The following ZNF560 variants were observed in gnomAD, a reference collection of about 807,000 sequenced individuals.
ZNF560 encodes the protein zinc finger protein 560.
In ZNF560, 54 loss-of-function variants were observed where a neutral mutation model predicts 81.8. That is an observed-to-expected ratio of 0.66 (90% CI 0.53 to 0.83). The LOEUF (loss-of-function observed/expected upper bound fraction) is 0.83. Ranked by LOEUF, ZNF560 falls within the 40% of genes least tolerant of loss-of-function variation. The pLI, the probability that ZNF560 is intolerant of heterozygous loss-of-function variation, is 0.00. For missense variants in ZNF560, 940 were observed against 932.4 expected, an observed-to-expected ratio of 1.01 and a Z score of -0.11; for synonymous variants, 321 against 317.9, an observed-to-expected ratio of 1.01 and a Z score of -0.10.
chr19:9,450,151 C>T, the ZNF560 span, among the ~76,000 whole-genome samples: 6 of 150,232 alleles, frequency 4.0e-5, no homozygotes, highest in South Asian at 2.1e-4. Context: ...ATTAGCTGGA[C>T]GCAGTGGCAG....
intron 2 of ZNF560, among the ~76,000 whole-genome samples, chr19:9,478,510 G>A (rs899162386): frequency 2.1e-4 from 32 of 152,066 alleles, no homozygotes; most frequent in Admixed American, 9.2e-4. Flanking sequence ...CTCAAACACT[G>A]TAATGGTGGT....
At chr19:9,501,153 T>C (rs999818920), upstream of ZNF560, among the ~76,000 whole-genome samples, 17 of 149,440 alleles carry the variant, frequency 1.1e-4, no homozygotes, top group East Asian at 1.9e-4. Flanking sequence ...TCTTTCTCTT[T>C]AGCTTTTTTT....
chr19:9,494,643 G>T (rs748064057), intron 2 of ZNF560, among the ~76,000 whole-genome samples: 20 of 151,868 alleles, frequency 1.3e-4, no homozygotes, highest in Admixed American at 5.9e-4. Context: ...AGATGAGGCA[G>T]GAGAATTGCT....
chr19:9,494,409 G>C (rs2073523275), intron 2 of ZNF560, among the ~76,000 whole-genome samples: 1 of 152,074 alleles, frequency 6.6e-6, no homozygotes, highest in Non-Finnish European at 1.5e-5. Context: ...TCTTTTAATG[G>C]AACATGTTAA....
chr19:9,493,157 C>T (rs998351315), intron 2 of ZNF560, among the ~76,000 whole-genome samples: 2 of 151,934 alleles, frequency 1.3e-5, no homozygotes, highest in Non-Finnish European at 2.9e-5. Context: ...AAAAAATTAC[C>T]GTAGAAAAAA....
chr19:9,465,086 T>C (rs1437378641), downstream of ZNF560, among the ~76,000 whole-genome samples: 8 of 152,132 alleles, frequency 5.3e-5, no homozygotes, highest in African/African-American at 1.7e-4. Context: ...TAAAAAGGGT[T>C]TATCTCCATT....
chr19:9,462,235 C>G (rs1266732107), downstream of ZNF560, among the ~76,000 whole-genome samples: 2 of 152,212 alleles, frequency 1.3e-5, no homozygotes, highest in African/African-American at 4.8e-5. Flanking sequence ...CTGGAGGTTG[C>G]TGGTTCACCA....
intron 2 of ZNF560, among the ~76,000 whole-genome samples, chr19:9,490,756 T>C (rs1290148428): frequency 6.6e-6 from 1 of 152,184 alleles, no homozygotes; most frequent in Non-Finnish European, 1.5e-5. Context: ...TTGATCTATG[T>C]AACAAGAAGT....
intron 2 of ZNF560, among the ~76,000 whole-genome samples, chr19:9,487,617 C>T (rs976942103): frequency 1.3e-5 from 2 of 152,176 alleles, no homozygotes; most frequent in Non-Finnish European, 2.9e-5. Context: ...ATGTAGGGAG[C>T]TAAGAGAGAA....
intron 3 of ZNF560, among the ~76,000 whole-genome samples, chr19:9,474,623 A>G (rs2073171602): frequency 1.3e-5 from 2 of 152,064 alleles, no homozygotes; most frequent in Admixed American, 6.6e-5. Flanking sequence ...ATCCCAGAGT[A>G]CACTGCATCA....
intron 2 of ZNF560, among the ~76,000 whole-genome samples, chr19:9,489,354 C>G (rs2073434551): frequency 6.6e-6 from 1 of 151,788 alleles, no homozygotes; most frequent in East Asian, 1.9e-4. Flanking sequence ...CTCCTCACTT[C>G]CCAGACAGGG....
At position 9,473,266 on chromosome 19, in the gene ZNF560, A is replaced by T; in HGVS notation, c.158-7T>A. On this transcript the variant is annotated splice_region_variant and splice_polypyrimidine_tract_variant and intron_variant, in intron 4 of 9. Coordinates refer to ENST00000301480, the MANE Select transcript of ZNF560 (RefSeq NM_152476.3). ...GGTTTAAAGAGCTGAAATCCTTTACATGAAGAAATGATACATTAATGGAAG... is the reference window on the plus strand; with the variant it reads ...GGTTTAAAGAGCTGAAATCCTTTACTTGAAGAAATGATACATTAATGGAAG... 1 of 1,601,444 alleles carries T rather than the reference A, an allele frequency of 6.2e-7. No homozygotes were observed. The highest frequency in any genetic ancestry group is 8.5e-7 in the Non-Finnish European group (1 of 1,173,512).
downstream of ZNF560, among the ~76,000 whole-genome samples, chr19:9,462,047 T>G (rs1387285086): frequency 6.6e-6 from 1 of 152,228 alleles, no homozygotes; most frequent in Non-Finnish European, 1.5e-5. Context: ...GGATCCTGAC[T>G]CCTGCAAGAA....
chr19:9,475,373 GA>G lies in ZNF560; in HGVS notation c.-56-5del. ...CAGATTGGGTTCCTAGAAAGACCTG[GA>G]AAAGAAAGAAGGCATAAGAGCCCAG... On this transcript the variant is annotated splice_region_variant and splice_polypyrimidine_tract_variant and intron_variant, in intron 2 of 9. Coordinates refer to ENST00000301480, the MANE Select transcript of ZNF560 (RefSeq NM_152476.3). The G allele has an allele frequency of 6.4e-7, 1 of 1,562,586 alleles. No individual in the cohort carries two copies.
downstream of ZNF560, among the ~76,000 whole-genome samples, chr19:9,461,770 C>A (rs28820917): frequency 0.048 from 7,353 of 152,116 alleles, 612 homozygotes; most frequent in African/African-American, 0.17. Flanking sequence ...ATGAATTAGA[C>A]CATGAATGGG....
rs199583033 is a variant in ZNF560 at position 9,494,924 on chromosome 19, AAAAC to A, written c.-57+3200_-57+3203del. Among the ~76,000 whole-genome samples, 338 of 151,916 alleles carry A rather than the reference AAAAC, an allele frequency of 2.2e-3. 2 individuals are homozygous for A. Among genetic ancestry groups the A allele is most frequent in the South Asian group, 0.019 (93 of 4,810 alleles). ...CCGTCTCAAAAAAAAACAAACAAAC[AAAAC>A]AAACAAACAAACAAACAAAAAACCT... On this transcript the variant is annotated intron_variant, in intron 2 of 9. Coordinates refer to ENST00000301480, the MANE Select transcript of ZNF560 (RefSeq NM_152476.3).
In ZNF560 at chr19:9,475,365, A is replaced by C; in HGVS notation, c.-52T>G. The C allele has an allele frequency of 6.3e-7, 1 of 1,588,592 alleles. No homozygotes were observed. The highest frequency in any genetic ancestry group is 1.1e-5 in the South Asian group (1 of 89,586). ...CATGAAGGCAGATTGGGTTCCTAGA[A>C]AGACCTGGAAAAGAAAGAAGGCATA... On this transcript the variant is annotated 5_prime_UTR_variant, in exon 3 of 10. Transcript: ENST00000301480.
In ZNF560 at chr19:9,478,666, G is replaced by C. The variant is rs146824477; in HGVS notation, c.-56-3297C>G. ...TAAAATGAGGAGAGGTTGAGTTAAA[G>C]TATAGTTATTTTATGTGATCACAGT... On this transcript the variant is annotated intron_variant, in intron 2 of 9. Transcript: ENST00000301480. Among the ~76,000 whole-genome samples, 12 of 152,200 alleles carry C rather than the reference G, an allele frequency of 7.9e-5. No homozygotes were observed. The East Asian group carries it at 1.9e-3, about 24-fold the overall frequency.
chr19:9,467,475 T>C lies in ZNF560; in HGVS notation c.1472A>G (p.Asp491Gly), dbSNP rs1442257277. 6.2e-7 allele frequency: 1 copy of C among 1,614,114 alleles called. No homozygotes were observed. The highest frequency in any genetic ancestry group is 2.2e-5 in the East Asian group (1 of 44,878). ...SNTGQKRFDC[D>G]QCGKVFVSFS... ...AGAAACAAAGACTTTCCCACACTGG[T>C]CACAATCAAAGCGTTTCTGTCCTGT... Residue 491 changes from aspartate to glycine, a missense_variant, in exon 10 of 10, where the codon GAC becomes GGC. Transcript: ENST00000301480.
Sources: gnomAD v4.1 joint callset for allele counts (sites outside exome capture counted in the v4.1 genomes callset) on GRCh38, gnomAD v4.1.1 for gene constraint, MANE v1.5 for transcripts, NCBI Gene and HGNC (gene_info 2026-07-23, HGNC 2026-07-21) for gene names.